BTBD9: variants seen among roughly 807,000 people sequenced by gnomAD.
BTBD9 encodes BTB domain containing 9, also known as BTB/POZ domain-containing protein 9.
A neutral mutation model predicts 64.3 loss-of-function variants in BTBD9; 49 were observed. The ratio of observed to expected loss-of-function variants is 0.76; its 90% CI spans 0.61 to 0.97. The LOEUF is 0.97. BTBD9 is among the 50% of genes least tolerant of loss of function. BTBD9 has a pLI of 0.00. For missense variants in BTBD9, 598 were observed against 762.1 expected (o/e 0.78, Z 2.53); for synonymous variants, 260 against 274.7 (o/e 0.95, Z 0.53).
chr6:38,620,934 T>G (rs112496257), intron 1 of BTBD9, among the ~76,000 whole-genome samples: 2 of 152,110 alleles, frequency 1.3e-5, no homozygotes, highest in Non-Finnish European at 2.9e-5. Context: ...CAGGCCCTAG[T>G]ACAAGCTCTA....
intron 6 of BTBD9, among the ~76,000 whole-genome samples, chr6:38,436,276 C>A (rs2127302171): frequency 6.6e-6 from 1 of 151,646 alleles, no homozygotes; most frequent in Non-Finnish European, 1.5e-5. Flanking sequence ...TCCCACGCTA[C>A]TTTCTATAAA....
intron 8 of BTBD9, among the ~76,000 whole-genome samples, chr6:38,269,056 A>G (rs1392588023): frequency 6.6e-6 from 1 of 152,182 alleles, no homozygotes; most frequent in Non-Finnish European, 1.5e-5. Flanking sequence ...ACAAAACAAA[A>G]CTATAATAAG....
intron 9 of BTBD9, among the ~76,000 whole-genome samples, chr6:38,213,272 A>G (rs1762896850): frequency 6.6e-6 from 1 of 152,196 alleles, no homozygotes; most frequent in Non-Finnish European, 1.5e-5. Flanking sequence ...GATATTCAGT[A>G]AAAACTTTAA....
chr6:38,482,560 C>T (rs1441497135), intron 6 of BTBD9: 1 of 152,120 alleles, frequency 6.6e-6, no homozygotes, highest in East Asian at 1.9e-4. Context: ...CTTTCTACCG[C>T]ATGTTTGTGT....
intron 6 of BTBD9, among the ~76,000 whole-genome samples, chr6:38,574,219 C>T (rs1321437772): frequency 6.6e-6 from 1 of 152,140 alleles, no homozygotes; most frequent in African/African-American, 2.4e-5. Flanking sequence ...GCTTTGAAGC[C>T]TGATATTATC....
chr6:38,629,312 T>C (rs555162091), intron 1 of BTBD9, among the ~76,000 whole-genome samples: 59 of 152,274 alleles, frequency 3.9e-4, no homozygotes, highest in Admixed American at 2.7e-3. Flanking sequence ...GAAGATACCA[T>C]TTACAAAGGA....
intron 6 of BTBD9, among the ~76,000 whole-genome samples, chr6:38,366,072 G>A (rs1473219545): frequency 6.6e-6 from 1 of 152,104 alleles, no homozygotes; most frequent in Non-Finnish European, 1.5e-5. Flanking sequence ...TAGTTCTCCA[G>A]TGCTTCAGGG....
chr6:38,448,476 A>G (rs959222070), intron 6 of BTBD9, among the ~76,000 whole-genome samples: 1 of 152,168 alleles, frequency 6.6e-6, no homozygotes, highest in Non-Finnish European at 1.5e-5. Flanking sequence ...AAGCACACTA[A>G]AGGCCAGTTC....
intron 6 of BTBD9, among the ~76,000 whole-genome samples, chr6:38,513,024 T>C (rs1772843476): frequency 6.6e-6 from 1 of 152,220 alleles, no homozygotes; most frequent in Non-Finnish European, 1.5e-5. Context: ...ACTCCTAGTA[T>C]AAATTCCAAG....
chr6:38,371,449 G>A (rs557212736), intron 6 of BTBD9, among the ~76,000 whole-genome samples: 1 of 152,304 alleles, frequency 6.6e-6, no homozygotes, highest in African/African-American at 2.4e-5. Flanking sequence ...TAGACCGTGA[G>A]CCTTCCTTCC....
chr6:38,219,129 C>CTTTTT (rs5875622), intron 9 of BTBD9, among the ~76,000 whole-genome samples: 497 of 70,872 alleles, frequency 7.0e-3, no homozygotes, highest in Non-Finnish European at 8.3e-3. Context: ...ACTTTCTTTT[C>CTTTTT]TTTTTTTTTT....
intron 6 of BTBD9, among the ~76,000 whole-genome samples, chr6:38,494,467 G>T (rs1052672669): frequency 2.3e-4 from 35 of 152,296 alleles, no homozygotes; most frequent in Admixed American, 9.1e-4. Flanking sequence ...TCAGATAATG[G>T]CGAATGCCAG....
intron 7 of BTBD9, among the ~76,000 whole-genome samples, chr6:38,303,915 G>GTATA (rs145671357): frequency 0.062 from 8,017 of 128,930 alleles, 717 homozygotes; most frequent in East Asian, 0.39. Context: ...GTATATATGT[G>GTATA]TATATATATA....
At chr6:38,634,246 T>A (rs1209603402) in intron 1 of BTBD9, among the ~76,000 whole-genome samples, 1 of 152,234 alleles carries the variant, frequency 6.6e-6, no homozygotes, top group African/African-American at 2.4e-5. Flanking sequence ...GGAACTCCCT[T>A]ATAACTTCCT....
At position 38,426,735 on chromosome 6, in the gene BTBD9, C is replaced by T. The variant is rs150893844; in HGVS notation, c.1155-81642G>A. Among the ~76,000 whole-genome samples the T allele has an allele frequency of 1.1e-3, 165 of 151,962 alleles. 2 individuals are homozygous for T. Among genetic ancestry groups the T allele is most frequent in the Non-Finnish European group, 1.7e-3 (118 of 68,024 alleles). On this transcript the variant is annotated intron_variant, in intron 6 of 10. Coordinates refer to ENST00000481247, the MANE Select transcript of BTBD9 (RefSeq NM_001099272.2). Reference sequence around the variant, plus strand: ...GTCACTGGGTTCCACGGTTCTCTTCCGTGACCCACAGCTTCTAATAGAGCT... The same window carrying T: ...GTCACTGGGTTCCACGGTTCTCTTCTGTGACCCACAGCTTCTAATAGAGCT...
At chr6:38,441,512 C>G (rs1231506185) in intron 6 of BTBD9, among the ~76,000 whole-genome samples, 2 of 152,082 alleles carry the variant, frequency 1.3e-5, no homozygotes, top group African/African-American at 4.8e-5. Flanking sequence ...CCTTGAACAT[C>G]TGAGATGTTC....
At chr6:38,474,556 G>C (rs1770795815) in intron 6 of BTBD9, among the ~76,000 whole-genome samples, 1 of 148,992 alleles carries the variant, frequency 6.7e-6, no homozygotes, top group African/African-American at 2.5e-5. Context: ...AAGAAAAGAA[G>C]AGAAGAGAAG....
intron 6 of BTBD9, among the ~76,000 whole-genome samples, chr6:38,441,048 A>G (rs1451529416): frequency 6.6e-6 from 1 of 152,216 alleles, no homozygotes; most frequent in Non-Finnish European, 1.5e-5. Context: ...TATGAAGGCA[A>G]TAAAGAGAAT....
intron 7 of BTBD9, among the ~76,000 whole-genome samples, chr6:38,306,841 TAC>T: frequency 6.6e-6 from 1 of 152,344 alleles, no homozygotes; most frequent in East Asian, 1.9e-4. Context: ...ACTTAGCAGT[TAC>T]AGAGGACTGT....
Sources: gnomAD v4.1 joint callset for allele counts (sites outside exome capture counted in the v4.1 genomes callset) on GRCh38, gnomAD v4.1.1 for gene constraint, MANE v1.5 for transcripts, NCBI Gene and HGNC (gene_info 2026-07-23, HGNC 2026-07-21) for gene names.